Variants in ABL2 observed in about 807,000 individuals in gnomAD.
The protein encoded by ABL2 is ABL proto-oncogene 2, non-receptor tyrosine kinase.
Under a neutral mutation model 107.7 loss-of-function variants are expected in ABL2, and 49 were observed. That is an observed-to-expected ratio of 0.45 (90% CI 0.36 to 0.58). ABL2 has a LOEUF of 0.58. ABL2 is among the 20% of genes least tolerant of loss of function. ABL2 has a pLI of 0.00. For synonymous variants in ABL2, 549 were observed against 548.6 expected (o/e 1.00, Z -0.01); for missense variants, 1,245 against 1,457.0 (o/e 0.85, Z 2.37).
intron 1 of ABL2, among the ~76,000 whole-genome samples, chr1:179,173,185 G>A (rs1439656391): frequency 3.5e-5 from 5 of 143,460 alleles, no homozygotes; most frequent in Admixed American, 7.0e-5. Flanking sequence ...AGTGAAACTC[G>A]GCCTCAAAAA....
chr1:179,108,576 T>C lies in ABL2; in HGVS notation c.2691A>G (p.Ala897=). 1 of 1,614,132 alleles carries C rather than the reference T, an allele frequency of 6.2e-7. No individual in the cohort carries two copies. Among genetic ancestry groups the C allele is most frequent in the Non-Finnish European group, 8.5e-7 (1 of 1,180,008 alleles). ...CTGGAACTCCAGCCATCCCAAGTCG[T>C]GCCCCACCATTCTTCTCTTTACCCT... ...APKGKEKNGG[A]RLGMAGVPED... Residue 897 remains alanine (A), a synonymous_variant, in exon 12 of 12, where the codon GCA becomes GCG. Transcript: ENST00000502732.
chr1:179,131,033 C>A (rs1411995257), intron 3 of ABL2, among the ~76,000 whole-genome samples: 2 of 151,714 alleles, frequency 1.3e-5, no homozygotes, highest in Admixed American at 1.3e-4. Flanking sequence ...CTCTGCCTCC[C>A]GAGTTCAAGT....
In ABL2 at chr1:179,126,748, C is replaced by G. The variant is rs1655757266; in HGVS notation, c.392-76G>C. On this transcript the variant is annotated intron_variant, in intron 3 of 11. Transcript: ENST00000502732. The surrounding 1 kb of genome is among the most constrained non-coding windows in gnomAD (Gnocchi z 4.4). Reference sequence around the variant, plus strand: ...TCAACTGAAGCAGTGTACTGTCAAACTTTAAACTCATTAAAAAAAAAAAAG... The same window carrying G: ...TCAACTGAAGCAGTGTACTGTCAAAGTTTAAACTCATTAAAAAAAAAAAAG... The G allele has an allele frequency of 7.7e-7, 1 of 1,290,506 alleles. No individual in the cohort carries two copies. Among genetic ancestry groups the G allele is most frequent in the South Asian group, 1.8e-5 (1 of 55,466 alleles). The allele number at this position is 1,290,506 out of a possible 1,614,324, so 79.9% of individuals were successfully genotyped here.
intron 1 of ABL2, among the ~76,000 whole-genome samples, chr1:179,212,711 C>T (rs2124828953): frequency 6.7e-6 from 1 of 150,068 alleles, no homozygotes; most frequent in African/African-American, 2.5e-5. Flanking sequence ...CCAGCCTGAG[C>T]AACAAGGGCA....
chr1:179,107,776 G>A lies in ABL2; in HGVS notation c.3491C>T (p.Pro1164Leu), dbSNP rs746358471. 7 of 1,614,096 alleles carry A rather than the reference G, an allele frequency of 4.3e-6. No homozygotes were observed. The highest frequency in any genetic ancestry group is 5.9e-6 in the Non-Finnish European group (7 of 1,180,046). The change falls in exon 12 of 12, where the codon CCT (proline) becomes CTT (leucine). Residue 1164 changes from proline (P) to leucine (L), a missense_variant. Physicochemically the swap from Pro to Leu is moderately conservative, Grantham distance 98. This residue lies in a region of ABL2 where 761 missense variants were observed against 766.4 expected (regional missense o/e 0.99). Transcript: ENST00000502732. ...ACATGACAATAAGTTATTAAGGACA[G>A]GGTTTGTCCCGGGCACACCAGCAGC... Reference protein sequence around the residue: ...SAAAGVPGTNPVLNNLLSCVQ... With the variant: ...SAAAGVPGTNLVLNNLLSCVQ...
rs1023521107 is a variant in ABL2, at chr1:179,105,905, G to A, written c.*1813C>T. The A allele has an allele frequency of 9.0e-6, 2 of 223,298 alleles. No homozygotes were observed. The highest frequency in any genetic ancestry group is 1.8e-5 in the Non-Finnish European group (2 of 111,970). 13.8% of individuals were successfully genotyped at this position (223,298 alleles called of 1,614,324 possible). ...GAAAACAATTCAGCATAACAACACT[G>A]CACTAAAAGAGCTTTCCAGAGAGGC... On this transcript the variant is annotated 3_prime_UTR_variant, in exon 12 of 12. Coordinates refer to ENST00000502732, the MANE Select transcript of ABL2 (RefSeq NM_007314.4).
At chr1:179,196,789 A>G (rs1295774503) in intron 1 of ABL2, among the ~76,000 whole-genome samples, 1 of 151,938 alleles carries the variant, frequency 6.6e-6, no homozygotes, top group Non-Finnish European at 1.5e-5. Flanking sequence ...AAAAAAACAA[A>G]AAAAAAAACC....
intron 1 of ABL2, among the ~76,000 whole-genome samples, chr1:179,189,422 C>A (rs1249071470): frequency 6.6e-6 from 1 of 152,172 alleles, no homozygotes; most frequent in Non-Finnish European, 1.5e-5. Flanking sequence ...GCATGAGCCA[C>A]CGCGCCCTGC....
chr1:179,205,610 A>C (rs947651406), intron 1 of ABL2, among the ~76,000 whole-genome samples: 6 of 151,394 alleles, frequency 4.0e-5, no homozygotes, highest in Non-Finnish European at 7.4e-5. Flanking sequence ...CCCACCTCCC[A>C]CCTCCTTTGG....
At chr1:179,141,145 T>C (rs1217832575) in intron 1 of ABL2, among the ~76,000 whole-genome samples, 1 of 150,382 alleles carries the variant, frequency 6.6e-6, no homozygotes, top group Non-Finnish European at 1.5e-5. Flanking sequence ...AAATTAAGTA[T>C]TGGCTGGGCA....
chr1:179,148,619 A>G (rs539586901), intron 1 of ABL2, among the ~76,000 whole-genome samples: 38 of 152,266 alleles, frequency 2.5e-4, no homozygotes, highest in African/African-American at 8.2e-4. Context: ...AATTAGGCCA[A>G]AACTGGGCAC....
At chr1:179,166,463 C>T (rs1283953376) in intron 1 of ABL2, among the ~76,000 whole-genome samples, 1 of 150,616 alleles carries the variant, frequency 6.6e-6, no homozygotes, top group African/African-American at 2.4e-5. Flanking sequence ...AGACATTTCT[C>T]AAATAGCTAA....
chr1:179,138,428 A>G (rs1161206780), intron 1 of ABL2, among the ~76,000 whole-genome samples: 1 of 152,200 alleles, frequency 6.6e-6, no homozygotes, highest in Non-Finnish European at 1.5e-5. Context: ...TTTATTGGGG[A>G]AAAAGAAATC....
At chr1:179,122,043 A>G (rs1252409904) in intron 4 of ABL2, among the ~76,000 whole-genome samples, 176 bp from the exon 5 acceptor site, 3 of 143,524 alleles carry the variant, frequency 2.1e-5, no homozygotes, top group Admixed American at 7.5e-5. Flanking sequence ...CTCCTGCCTC[A>G]GCCTCTCTGA....
chr1:179,191,665 C>A (rs1302265011), intron 1 of ABL2, among the ~76,000 whole-genome samples: 3 of 152,072 alleles, frequency 2.0e-5, no homozygotes, highest in South Asian at 4.2e-4. Flanking sequence ...CAGGTGATAT[C>A]CACCCACTTC....
chr1:179,119,347 G>A (rs915218538), intron 6 of ABL2, among the ~76,000 whole-genome samples: 1 of 152,110 alleles, frequency 6.6e-6, no homozygotes, highest in African/African-American at 2.4e-5. Flanking sequence ...TTCAAGACTT[G>A]ACTGTCCAAC....
At chr1:179,165,784 C>G (rs892175710) in intron 1 of ABL2, among the ~76,000 whole-genome samples, 1 of 146,414 alleles carries the variant, frequency 6.8e-6, no homozygotes, top group Admixed American at 7.2e-5. Context: ...TAATCCCAGC[C>G]AGACACAAGA....
intron 1 of ABL2, among the ~76,000 whole-genome samples, chr1:179,188,743 T>C (rs1660829413): frequency 6.6e-6 from 1 of 152,176 alleles, no homozygotes; most frequent in Admixed American, 6.5e-5. Flanking sequence ...AGAAACTACC[T>C]GGTAGGTGCT....
At chr1:179,172,860 G>T (rs575890350) in intron 1 of ABL2, among the ~76,000 whole-genome samples, 13 of 152,144 alleles carry the variant, frequency 8.5e-5, no homozygotes, top group Admixed American at 1.3e-4. Flanking sequence ...GTAAAACATA[G>T]ATACAGTAAG....
Sources: allele counts gnomAD v4.1 joint callset (sites outside exome capture counted in the v4.1 genomes callset), GRCh38; gene constraint gnomAD v4.1.1; regional missense constraint gnomAD v4.1.1; non-coding constraint Gnocchi (gnomAD v3.1); transcripts MANE v1.5; gene names NCBI Gene and HGNC (gene_info 2026-07-23, HGNC 2026-07-21).